The following GABRB3 variants were observed in gnomAD, a reference collection of about 807,000 sequenced individuals.
The protein encoded by GABRB3 is gamma-aminobutyric acid type A receptor subunit beta3.
GABRB3 carries 14 observed loss-of-function variants against 52.1 expected under a neutral mutation model. The ratio of observed to expected loss-of-function variants is 0.27; its 90% CI spans 0.18 to 0.42. The LOEUF is 0.42. Among genes scored for constraint, GABRB3 ranks in the 10% least tolerant of loss-of-function variants. The pLI is 1.00. For missense variants in GABRB3, 307 were observed against 609.1 expected (o/e 0.50, Z 5.22); for synonymous variants, 260 against 232.3 (o/e 1.12, Z -1.08).
At chr15:26,625,877 T>C (rs942416775) in intron 3 of GABRB3, among the ~76,000 whole-genome samples, 5 of 152,118 alleles carry the variant, frequency 3.3e-5, no homozygotes, top group Non-Finnish European at 7.4e-5. Context: ...CCTCCACCAA[T>C]TGAGTTGCTA....
intron 7 of GABRB3, among the ~76,000 whole-genome samples, chr15:26,566,747 G>C (rs1057193148): frequency 6.6e-6 from 1 of 152,020 alleles, no homozygotes; most frequent in African/African-American, 2.4e-5. Context: ...AAAAGAACAG[G>C]AAAGAAGGGA....
At position 26,772,767 on chromosome 15, in the gene GABRB3, T is replaced by C; in HGVS notation, c.86A>G (p.Asn29Ser). 1 of 1,555,916 alleles carries C rather than the reference T, an allele frequency of 6.4e-7. No individual in the cohort carries two copies. Among genetic ancestry groups the C allele is most frequent in the Non-Finnish European group, 8.7e-7 (1 of 1,150,010 alleles). Residue 29 changes from asparagine to serine, a missense_variant, in exon 2 of 9, where the codon AAC becomes AGC. Around this residue, in one of 6 missense-constraint regions of GABRB3, gnomAD observed 90 missense variants for 86.4 expected, o/e 1.04. Coordinates refer to ENST00000311550, the MANE Select transcript of GABRB3 (RefSeq NM_000814.6). ...VAVVCCAQSV[N>S]DPGNMSFVKE... ...CACAAAGGACATGTTCCCGGGATCG[T>C]TCACACTGGGGGAGGGACGGGGAGC...
At chr15:26,773,271 C>T (rs1269398994), upstream of GABRB3, among the ~76,000 whole-genome samples, 2 of 150,254 alleles carry the variant, frequency 1.3e-5, no homozygotes, top group Non-Finnish European at 3.0e-5. Context: ...GGGCGCTCCC[C>T]TCCCGCCTCG....
chr15:26,715,595 T>C (rs1889442189), intron 3 of GABRB3, among the ~76,000 whole-genome samples: 1 of 152,206 alleles, frequency 6.6e-6, no homozygotes, highest in Non-Finnish European at 1.5e-5. Flanking sequence ...ATAATAACTA[T>C]TTATAAACCG....
chr15:26,639,341 GAAAAAAA>G (rs71420015), intron 3 of GABRB3, among the ~76,000 whole-genome samples: 1 of 126,154 alleles, frequency 7.9e-6, no homozygotes, highest in Non-Finnish European at 1.6e-5. Flanking sequence ...GAAAATATTT[GAAAAAAA>G]AAAAAAAAAG....
intron 3 of GABRB3, among the ~76,000 whole-genome samples, chr15:26,678,572 G>C (rs1013998350): frequency 1.1e-4 from 16 of 152,072 alleles, no homozygotes; most frequent in African/African-American, 3.9e-4. Context: ...GTGAGAGAGA[G>C]AGAGAGAGGC....
At chr15:26,675,253 G>T (rs1566800976) in intron 3 of GABRB3, among the ~76,000 whole-genome samples, 1 of 152,182 alleles carries the variant, frequency 6.6e-6, no homozygotes, top group Non-Finnish European at 1.5e-5. Context: ...TAAAACCAAA[G>T]ATTTGATTTG....
chr15:26,651,320 A>G (rs1485604564), intron 3 of GABRB3, among the ~76,000 whole-genome samples: 1 of 152,232 alleles, frequency 6.6e-6, no homozygotes, highest in African/African-American at 2.4e-5. Flanking sequence ...TGGACTGAAT[A>G]AACAGGGCAC....
At chr15:26,648,482 T>A (rs1396195213) in intron 3 of GABRB3, among the ~76,000 whole-genome samples, 2 of 152,152 alleles carry the variant, frequency 1.3e-5, no homozygotes, top group Non-Finnish European at 2.9e-5. Flanking sequence ...TTGGCATGGA[T>A]GAACTAACCA....
chr15:26,614,559 T>C (rs1368303452), intron 4 of GABRB3: 1 of 152,200 alleles, frequency 6.6e-6, no homozygotes, highest in Non-Finnish European at 1.5e-5. Context: ...ATATGCTTTT[T>C]AGTTGCATAA....
intron 7 of GABRB3, 72 bp downstream of exon 7, chr15:26,567,508 GC>G: frequency 6.8e-7 from 1 of 1,469,044 alleles, no homozygotes; most frequent in Admixed American, 1.7e-5. Context: ...TTGAACTACA[GC>G]CTTTGAACTC....
At chr15:26,585,949 A>T (rs1337910502) in intron 4 of GABRB3, among the ~76,000 whole-genome samples, 1 of 152,208 alleles carries the variant, frequency 6.6e-6, no homozygotes, top group Admixed American at 6.5e-5. Flanking sequence ...TATGAAGAAG[A>T]AAAGAACCTT....
intron 3 of GABRB3, among the ~76,000 whole-genome samples, chr15:26,652,527 G>T (rs1010005264): frequency 3.3e-5 from 5 of 152,116 alleles, no homozygotes; most frequent in African/African-American, 1.2e-4. Context: ...AATAGAAACA[G>T]TTGGGGCCAT....
chr15:26,703,848 C>A (rs980558448), intron 3 of GABRB3, among the ~76,000 whole-genome samples: 2 of 152,214 alleles, frequency 1.3e-5, no homozygotes, highest in African/African-American at 4.8e-5. Flanking sequence ...AGAGGATGAA[C>A]CCCCAAAGCC....
chr15:26,769,845 G>C (rs926815302), intron 3 of GABRB3, among the ~76,000 whole-genome samples: 2 of 152,054 alleles, frequency 1.3e-5, no homozygotes, highest in African/African-American at 4.8e-5. Flanking sequence ...GTGAACAACC[G>C]TTTGTCATAT....
chr15:26,744,860 T>C (rs1192537102), intron 3 of GABRB3, among the ~76,000 whole-genome samples: 1 of 152,206 alleles, frequency 6.6e-6, no homozygotes, highest in Non-Finnish European at 1.5e-5. Context: ...AGTGTATACG[T>C]GTGTGTGTTT....
At chr15:26,695,852 G>C (rs1403285493) in intron 3 of GABRB3, among the ~76,000 whole-genome samples, 1 of 152,164 alleles carries the variant, frequency 6.6e-6, no homozygotes, top group African/African-American at 2.4e-5. Flanking sequence ...AGAGCAGAGA[G>C]GCTTTTCCTT....
intron 3 of GABRB3, among the ~76,000 whole-genome samples, chr15:26,752,629 T>C (rs895547901): frequency 6.6e-6 from 1 of 152,182 alleles, no homozygotes; most frequent in African/African-American, 2.4e-5. Flanking sequence ...TACATATTTA[T>C]GATGTACCAC....
intron 3 of GABRB3, among the ~76,000 whole-genome samples, chr15:26,676,768 C>T (rs1441426445): frequency 6.6e-6 from 1 of 152,178 alleles, no homozygotes; most frequent in South Asian, 2.1e-4. Flanking sequence ...CCCCCACTAA[C>T]AGACCTAAGC....
Sources: gnomAD v4.1 joint callset for allele counts (sites outside exome capture counted in the v4.1 genomes callset) on GRCh38, gnomAD v4.1.1 for gene constraint, gnomAD v4.1.1 regional missense constraint, MANE v1.5 for transcripts, NCBI Gene and HGNC (gene_info 2026-07-23, HGNC 2026-07-21) for gene names.